The following SLC24A2 variants were observed in gnomAD, a reference collection of about 807,000 sequenced individuals.
SLC24A2 encodes the protein sodium/potassium/calcium exchanger 2.
A neutral mutation model predicts 62.0 loss-of-function variants in SLC24A2; 36 were observed. The ratio of observed to expected loss-of-function variants is 0.58; its 90% CI spans 0.44 to 0.77. SLC24A2 has a LOEUF of 0.77. Among genes scored for constraint, SLC24A2 ranks in the 30% least tolerant of loss-of-function variants. The probability of loss-of-function intolerance (pLI) is 0.00; values close to 1 mark genes in which losing one functional copy is unlikely to be tolerated. For missense variants in SLC24A2, 846 were observed against 817.9 expected, an observed-to-expected ratio of 1.03 and a Z score of -0.42; for synonymous variants, 358 against 294.0, an observed-to-expected ratio of 1.22 and a Z score of -2.23.
In SLC24A2 at chr9:19,763,831, C is replaced by T. The variant is rs545490543; in HGVS notation, c.930+22106G>A. Among the ~76,000 whole-genome samples the T allele has an allele frequency of 1.4e-4, 22 of 152,060 alleles. No individual in the cohort carries two copies. In the South Asian group the frequency reaches 2.1e-3, roughly 14 times the overall value. On this transcript the variant is annotated intron_variant, in intron 2 of 10. Transcript: ENST00000341998. ...TCAGGATGATGCTGGCCTCATAGAACGAGTTAGGGAGGACTTTCTCTTTTT... is the reference window on the plus strand; with the variant it reads ...TCAGGATGATGCTGGCCTCATAGAATGAGTTAGGGAGGACTTTCTCTTTTT...
intron 7 of SLC24A2, among the ~76,000 whole-genome samples, chr9:19,553,307 T>C (rs1834932033): frequency 6.6e-6 from 1 of 152,180 alleles, no homozygotes; most frequent in African/African-American, 2.4e-5. Context: ...ATTTTCCAAC[T>C]TTTCCTAGAG....
the SLC24A2 span, among the ~76,000 whole-genome samples, chr9:19,825,945 C>T: frequency 6.6e-6 from 1 of 152,024 alleles, no homozygotes; most frequent in African/African-American, 2.4e-5. Flanking sequence ...AGGCACATGC[C>T]TATTGCCCAT....
intron 8 of SLC24A2, among the ~76,000 whole-genome samples, chr9:19,544,940 T>G (rs1463805263): frequency 6.6e-6 from 1 of 152,176 alleles, no homozygotes; most frequent in Non-Finnish European, 1.5e-5. Flanking sequence ...CTTTGTGGTG[T>G]TCTCTGTATT....
the SLC24A2 span, among the ~76,000 whole-genome samples, chr9:20,052,760 A>T: frequency 5.9e-5 from 9 of 152,178 alleles, no homozygotes; most frequent in African/African-American, 2.2e-4. Flanking sequence ...TAAATTTGGA[A>T]ATGTAGACTC....
At chr9:19,956,062 C>A in the SLC24A2 span, among the ~76,000 whole-genome samples, 1 of 152,210 alleles carries the variant, frequency 6.6e-6, no homozygotes, top group Non-Finnish European at 1.5e-5. Context: ...GGCTGCAGGA[C>A]AAAGTGATCC....
chr9:19,597,789 A>G (rs1026374136), intron 4 of SLC24A2, among the ~76,000 whole-genome samples: 8 of 152,210 alleles, frequency 5.3e-5, no homozygotes, highest in African/African-American at 1.9e-4. Context: ...ATGAAAAACC[A>G]CGTTCTAAAC....
chr9:20,269,284 T>C, the SLC24A2 span, among the ~76,000 whole-genome samples: 15 of 152,230 alleles, frequency 9.9e-5, no homozygotes, highest in Admixed American at 3.3e-4. Flanking sequence ...TTTATCCCTG[T>C]TGTATAGGTA....
At chr9:19,919,319 G>A in the SLC24A2 span, among the ~76,000 whole-genome samples, 5 of 152,030 alleles carry the variant, frequency 3.3e-5, no homozygotes, top group African/African-American at 9.7e-5. Context: ...TAGAATATTC[G>A]ACTTTATTAT....
At chr9:20,213,773 G>A in the SLC24A2 span, among the ~76,000 whole-genome samples, 1 of 152,122 alleles carries the variant, frequency 6.6e-6, no homozygotes, top group Non-Finnish European at 1.5e-5. Flanking sequence ...GAAAATAATT[G>A]GGAAAAGTTG....
At position 19,511,527 on chromosome 9, in the gene SLC24A2, C is replaced by T. The variant is rs1416700705; in HGVS notation, c.*4626G>A. The T allele has an allele frequency of 2.0e-5, 3 of 152,198 alleles. No homozygotes were observed. The highest frequency in any genetic ancestry group is 6.5e-5 in the Admixed American group (1 of 15,282). 9.4% of individuals were successfully genotyped at this position (152,198 alleles called of 1,614,324 possible). A position where few individuals can be genotyped will look rare whatever the true frequency, so the allele number is the denominator to read the frequency against. On this transcript the variant is annotated 3_prime_UTR_variant, in exon 11 of 11. Coordinates refer to ENST00000341998, the MANE Select transcript of SLC24A2 (RefSeq NM_020344.4). ...ATCCTAGGAAATTAATATCTCCTTT[C>T]TTCCCTTTCCTTATTATTCTATTTT...
At chr9:20,200,341 G>T in the SLC24A2 span, among the ~76,000 whole-genome samples, 1 of 152,146 alleles carries the variant, frequency 6.6e-6, no homozygotes, top group Non-Finnish European at 1.5e-5. Context: ...ACCTTGCCAG[G>T]TGGGTCAGTA....
chr9:19,570,278 T>A (rs1361443462), intron 7 of SLC24A2, among the ~76,000 whole-genome samples: 2 of 152,264 alleles, frequency 1.3e-5, no homozygotes, highest in Non-Finnish European at 2.9e-5. Flanking sequence ...GACTTTCCCT[T>A]TTAAGGTTTT....
the SLC24A2 span, among the ~76,000 whole-genome samples, chr9:19,877,345 C>G: frequency 7.0e-6 from 1 of 142,394 alleles, no homozygotes; most frequent in African/African-American, 2.6e-5. Context: ...TGGTCAGTGC[C>G]TCTAGAATCT....
At chr9:19,862,580 CTT>C in the SLC24A2 span, among the ~76,000 whole-genome samples, 1 of 151,954 alleles carries the variant, frequency 6.6e-6, no homozygotes, top group Non-Finnish European at 1.5e-5. Context: ...ATAAACTACT[CTT>C]AAGTAGAAAG....
chr9:19,571,426 G>T (rs1274022285), intron 7 of SLC24A2, among the ~76,000 whole-genome samples: 1 of 152,114 alleles, frequency 6.6e-6, no homozygotes, highest in African/African-American at 2.4e-5. Context: ...AGAAGTGGCT[G>T]CTAGGTTATA....
intron 2 of SLC24A2, among the ~76,000 whole-genome samples, chr9:19,669,861 AC>A (rs1564027862): frequency 6.6e-6 from 1 of 152,194 alleles, no homozygotes; most frequent in Admixed American, 6.6e-5. Flanking sequence ...TTGCTATGTA[AC>A]ATAAAATATT....
At chr9:20,123,656 T>G in the SLC24A2 span, among the ~76,000 whole-genome samples, 1 of 152,218 alleles carries the variant, frequency 6.6e-6, no homozygotes, top group South Asian at 2.1e-4. Context: ...TCATGTGGAC[T>G]GAGCTAATAT....
At chr9:20,112,065 C>A in the SLC24A2 span, among the ~76,000 whole-genome samples, 1 of 152,124 alleles carries the variant, frequency 6.6e-6, no homozygotes, top group Non-Finnish European at 1.5e-5. Context: ...GTAGAGCTAA[C>A]TGGACAAAAA....
chr9:19,982,775 A>G, the SLC24A2 span, among the ~76,000 whole-genome samples: 1 of 152,338 alleles, frequency 6.6e-6, no homozygotes, highest in East Asian at 1.9e-4. Context: ...GAAAATCCTG[A>G]ACAAAATACA....
Sources: gnomAD v4.1 joint callset for allele counts (sites outside exome capture counted in the v4.1 genomes callset) on GRCh38, gnomAD v4.1.1 for gene constraint, MANE v1.5 for transcripts, NCBI Gene and HGNC (gene_info 2026-07-23, HGNC 2026-07-21) for gene names.